Variants in CSRP3 observed in about 807,000 individuals in gnomAD.
CSRP3 encodes cysteine and glycine rich protein 3, also known as cysteine and glycine-rich protein 3.
CSRP3 carries 24 observed loss-of-function variants against 24.3 expected under a neutral mutation model. That is an observed-to-expected ratio of 0.99 (90% CI 0.71 to 1.39). The LOEUF (loss-of-function observed/expected upper bound fraction) is 1.39. CSRP3 is among the 40% of genes most tolerant of loss of function. The pLI is 0.00. For synonymous variants in CSRP3, 105 were observed against 94.0 expected, an observed-to-expected ratio of 1.12 and a Z score of -0.68; for missense variants, 240 against 249.0, an observed-to-expected ratio of 0.96 and a Z score of 0.24.
intron 1 of CSRP3, among the ~76,000 whole-genome samples, chr11:19,201,143 T>C (rs547282408): frequency 6.7e-5 from 10 of 150,152 alleles, no homozygotes; most frequent in Admixed American, 6.0e-4. Context: ...CACTGGGATA[T>C]TTTAAAAAGT....
chr11:19,182,173 T>C lies in CSRP3; in HGVS notation c.*497A>G, dbSNP rs1353595283. The C allele has an allele frequency of 6.3e-6, 1 of 159,106 alleles. No homozygotes were observed. The highest frequency in any genetic ancestry group is 2.4e-5 in the African/African-American group (1 of 41,508). The allele number at this position is 159,106 out of a possible 1,614,324, so 9.9% of individuals were successfully genotyped here. A position where few individuals can be genotyped will look rare whatever the true frequency, so the allele number is the denominator to read the frequency against. On this transcript the variant is annotated 3_prime_UTR_variant, in exon 6 of 6. Coordinates refer to ENST00000265968, the MANE Select transcript of CSRP3 (RefSeq NM_003476.5). Reference sequence around the variant, plus strand: ...TAGTTTTGATTTTCCTTTTAGATTTTGCTATCATGTTCTCTATTTTCTCCC... The same window carrying C: ...TAGTTTTGATTTTCCTTTTAGATTTCGCTATCATGTTCTCTATTTTCTCCC...
In CSRP3 at chr11:19,198,265, G is replaced by T. The variant is rs75004069; in HGVS notation, c.-29+3689C>A. On this transcript the variant is annotated intron_variant, in intron 1 of 5. Coordinates refer to ENST00000265968, the MANE Select transcript of CSRP3 (RefSeq NM_003476.5). ...TTTAACCCCCCGTTAAGCTGGTTCT[G>T]TATCTCATGCTCCTGTTTATAACAC... Among the ~76,000 whole-genome samples the T allele has an allele frequency of 7.9e-3, 1,211 of 152,332 alleles. 19 individuals carry two copies. The highest frequency in any genetic ancestry group is 0.028 in the African/African-American group (1,162 of 41,564).
chr11:19,191,203 G>C (rs1391149188), intron 2 of CSRP3, among the ~76,000 whole-genome samples: 1 of 152,208 alleles, frequency 6.6e-6, no homozygotes, highest in African/African-American at 2.4e-5. Context: ...GCAGAGCCCA[G>C]ACTCAAACCC....
At chr11:19,197,461 C>T (rs1850746416) in intron 1 of CSRP3, among the ~76,000 whole-genome samples, 1 of 146,968 alleles carries the variant, frequency 6.8e-6, no homozygotes, top group African/African-American at 2.5e-5. Flanking sequence ...TCCTTTCCTT[C>T]CCTCCCTTCC....
chr11:19,194,343 C>A (rs1262746107), intron 1 of CSRP3, among the ~76,000 whole-genome samples: 1 of 152,148 alleles, frequency 6.6e-6, no homozygotes, highest in Non-Finnish European at 1.5e-5. Flanking sequence ...GAAGTAGGAT[C>A]TTCTGCTAAT....
chr11:19,188,245 A>G lies in CSRP3; in HGVS notation c.172T>C (p.Cys58Arg). 1 of 1,613,266 alleles carries G rather than the reference A, an allele frequency of 6.2e-7. No individual in the cohort carries two copies. Among genetic ancestry groups the G allele is most frequent in the African/African-American group, 1.3e-5 (1 of 74,968 alleles). The change falls in exon 3 of 6, where the codon TGC (cysteine) becomes CGC (arginine). Residue 58 changes from cysteine (C) to arginine (R), a missense_variant. Transcript: ENST00000265968. ...TATCTGCGCCCATAGCACACCTTGC[A>G]GTAGATCTCCGACTCATGAGCCGCG... ...TVAAHESEIYCKVCYGRRYGP... is the reference protein window; with the variant it reads ...TVAAHESEIYRKVCYGRRYGP...
rs377066670 is a variant in CSRP3, at chr11:19,185,023, C to A, written c.437G>T (p.Arg146Leu). ...GGKPWHKTCFRCAICGKSLES... is the reference protein window; with the variant it reads ...GGKPWHKTCFLCAICGKSLES... ...CAGACTCTTCCCACAGATGGCACAG[C>A]GGAAACAGGTCTTGTGCCAAGGCTG... The change falls in exon 5 of 6, where the codon CGC becomes CTC. Residue 146 changes from arginine (R) to leucine (L), a missense_variant. Coordinates refer to ENST00000265968, the MANE Select transcript of CSRP3 (RefSeq NM_003476.5). 8 of 1,614,156 alleles carry A rather than the reference C, an allele frequency of 5.0e-6. No homozygotes were observed. Among genetic ancestry groups the A allele is most frequent in the South Asian group, 1.1e-5 (1 of 91,086 alleles).
chr11:19,182,481 G>T lies in CSRP3; in HGVS notation c.*189C>A, dbSNP rs2133503555. ...TATAAATAATAAAGCATTTGTTATA[G>T]ATTAAACTTTACATAATTTTCTTCC... On this transcript the variant is annotated 3_prime_UTR_variant, in exon 6 of 6. Transcript: ENST00000265968. 1.6e-6 allele frequency: 1 copy of T among 640,180 alleles called. No individual in the cohort carries two copies. Among genetic ancestry groups the T allele is most frequent in the Non-Finnish European group, 2.8e-6 (1 of 355,198 alleles). The allele number at this position is 640,180 out of a possible 1,614,324, so 39.7% of individuals were successfully genotyped here.
chr11:19,196,737 C>T (rs1354097991), intron 1 of CSRP3: 2 of 152,192 alleles, frequency 1.3e-5, no homozygotes, highest in African/African-American at 4.8e-5. Flanking sequence ...TCACAATCTC[C>T]ATCATACCAC....
At chr11:19,192,236 C>T in intron 2 of CSRP3, 101 bp downstream of exon 2, 2 of 828,482 alleles carry the variant, frequency 2.4e-6, no homozygotes, top group South Asian at 1.4e-5. Flanking sequence ...GTCCCAGGAC[C>T]ACACTATGAG....
At chr11:19,183,260 G>T (rs915563447) in intron 5 of CSRP3, among the ~76,000 whole-genome samples, 2 of 152,108 alleles carry the variant, frequency 1.3e-5, no homozygotes, top group African/African-American at 4.8e-5. Flanking sequence ...TACACTTCTT[G>T]CCACTTTACT....
intron 2 of CSRP3, among the ~76,000 whole-genome samples, chr11:19,191,418 G>A (rs976962733): frequency 3.4e-4 from 51 of 152,210 alleles, no homozygotes; most frequent in African/African-American, 8.4e-4. Flanking sequence ...GAGGGGGCTC[G>A]CCAAATATCC....
At chr11:19,184,478 C>T (rs11825599) in intron 5 of CSRP3, among the ~76,000 whole-genome samples, 3,592 of 152,268 alleles carry the variant, frequency 0.024, 135 homozygotes, top group African/African-American at 0.075. Context: ...ACTGTTAGTG[C>T]GGGGTAGGCA....
At chr11:19,189,850 A>T (rs368710007) in intron 2 of CSRP3, among the ~76,000 whole-genome samples, 5 of 152,254 alleles carry the variant, frequency 3.3e-5, no homozygotes, top group African/African-American at 1.2e-4. Context: ...CACAAGGCAT[A>T]TCTTTTTTAT....
At chr11:19,188,033 AGTCC>A in intron 3 of CSRP3, 99 bp downstream of exon 3, 1 of 1,344,104 alleles carries the variant, frequency 7.4e-7, no homozygotes. Context: ...TCAACAATAG[AGTCC>A]ATTCTCCCAC....
chr11:19,184,316 C>A (rs1233730235), intron 5 of CSRP3, among the ~76,000 whole-genome samples: 3 of 152,134 alleles, frequency 2.0e-5, no homozygotes, highest in Admixed American at 6.5e-5. Context: ...TGCATTCCTT[C>A]CTTTGATAGT....
chr11:19,192,358 G>A lies in CSRP3; in HGVS notation c.91C>T (p.His31Tyr). 1 of 1,614,064 alleles carries A rather than the reference G, an allele frequency of 6.2e-7. No individual in the cohort carries two copies. The highest frequency in any genetic ancestry group is 8.5e-7 in the Non-Finnish European group (1 of 1,179,956). ...TCACTGCAGTGGAAACACGTCTTGTGGAAACTCCTTCCATTGCACTGGATT... is the reference window on the plus strand; with the variant it reads ...TCACTGCAGTGGAAACACGTCTTGTAGAAACTCCTTCCATTGCACTGGATT... ...EEIQCNGRSF[H>Y]KTCFHCMACR... The change falls in exon 2 of 6, where the codon CAC (histidine) becomes TAC (tyrosine). Residue 31 changes from histidine to tyrosine, a missense_variant. His to Tyr is a moderately conservative substitution (Grantham distance 83). Transcript: ENST00000265968.
chr11:19,190,250 T>C (rs1404844717), intron 2 of CSRP3, among the ~76,000 whole-genome samples: 1 of 152,258 alleles, frequency 6.6e-6, no homozygotes, highest in Non-Finnish European at 1.5e-5. Flanking sequence ...TAAGGTGCCC[T>C]GGCCAATTCT....
Position 19,188,217 on chromosome 11 carries a change from C to A in CSRP3, c.200G>T (p.Gly67Val). ...TTGTCCATACCCGATCCCTTTGGGG[C>A]CATATCTGCGCCCATAGCACACCTT... ...YCKVCYGRRY[G>V]PKGIGYGQGA... The change falls in exon 3 of 6, where the codon GGC becomes GTC. Residue 67 changes from glycine to valine, a missense_variant. Physicochemically the swap from Gly to Val is moderately radical, Grantham distance 109. Transcript: ENST00000265968. The A allele has an allele frequency of 1.2e-6, 2 of 1,613,744 alleles. No individual in the cohort carries two copies. Among genetic ancestry groups the A allele is most frequent in the South Asian group, 1.1e-5 (1 of 91,048 alleles).
Sources: allele counts gnomAD v4.1 joint callset (sites outside exome capture counted in the v4.1 genomes callset), GRCh38; gene constraint gnomAD v4.1.1; transcripts MANE v1.5; gene names NCBI Gene and HGNC (gene_info 2026-07-23, HGNC 2026-07-21).